CPA6: variants seen among roughly 807,000 people sequenced by gnomAD.
CPA6 encodes carboxypeptidase B.
In CPA6, 58 loss-of-function variants were observed where a neutral mutation model predicts 63.3. That is an observed-to-expected ratio of 0.92 (90% confidence interval 0.74 to 1.14). CPA6 has a LOEUF of 1.14. Ranked by LOEUF, CPA6 falls within the 50% of genes most tolerant of loss-of-function variation. The pLI is 0.00. For missense variants in CPA6, 565 were observed against 526.6 expected (o/e 1.07, Z -0.71); for synonymous variants, 185 against 179.0 (o/e 1.03, Z -0.27).
intron 2 of CPA6, among the ~76,000 whole-genome samples, chr8:67,521,148 T>A (rs1812250163): frequency 6.6e-6 from 1 of 152,252 alleles, no homozygotes; most frequent in Non-Finnish European, 1.5e-5. Context: ...TTCCAGGTAT[T>A]TGCTGCAAGC....
chr8:67,656,992 A>T (rs1816000898), intron 1 of CPA6, among the ~76,000 whole-genome samples: 1 of 152,166 alleles, frequency 6.6e-6, no homozygotes, highest in Admixed American at 6.5e-5. Flanking sequence ...AAAATGAAGA[A>T]TATGATCCTA....
intron 1 of CPA6, among the ~76,000 whole-genome samples, chr8:67,649,884 A>G (rs1353687401): frequency 1.3e-5 from 2 of 152,200 alleles, no homozygotes; most frequent in African/African-American, 4.8e-5. Flanking sequence ...GGAAAGCGGC[A>G]AAGTGACAAC....
intron 2 of CPA6, among the ~76,000 whole-genome samples, chr8:67,519,520 G>A (rs1812217672): frequency 6.6e-6 from 1 of 152,198 alleles, no homozygotes; most frequent in Non-Finnish European, 1.5e-5. Flanking sequence ...TTGTGACTCA[G>A]GAAAATAAAC....
At chr8:67,664,212 C>T (rs1417191844) in intron 1 of CPA6, among the ~76,000 whole-genome samples, 1 of 152,198 alleles carries the variant, frequency 6.6e-6, no homozygotes, top group African/African-American at 2.4e-5. Context: ...TAAATTCCAC[C>T]TTGCGAGGTG....
intron 1 of CPA6, among the ~76,000 whole-genome samples, chr8:67,716,546 T>A (rs1167827421): frequency 1.3e-5 from 2 of 151,386 alleles, no homozygotes; most frequent in Non-Finnish European, 2.9e-5. Context: ...TCTGTCTTAG[T>A]GAAACAATAG....
At chr8:67,468,071 A>C (rs967058120) in intron 8 of CPA6, among the ~76,000 whole-genome samples, 1 of 151,668 alleles carries the variant, frequency 6.6e-6, no homozygotes, top group Admixed American at 6.6e-5. Context: ...CAAACAAACA[A>C]ATAACCCCAA....
chr8:67,502,600 T>C lies in CPA6; in HGVS notation c.636+4187A>G, dbSNP rs375409539. On this transcript the variant is annotated intron_variant, in intron 6 of 10. Transcript: ENST00000297770. ...TTGTTTTGAGACTTTTCGTCTTTTC[T>C]AACATATACCTTTAGTGCTATACAT... 5.6e-4 allele frequency among the ~76,000 whole-genome samples: 86 copies of C among 152,372 alleles called. 3 individuals are homozygous for C. The South Asian group carries it at 0.017, about 30-fold the overall frequency.
At chr8:67,729,232 C>T (rs1817660903) in intron 1 of CPA6, among the ~76,000 whole-genome samples, 1 of 152,170 alleles carries the variant, frequency 6.6e-6, no homozygotes, top group Non-Finnish European at 1.5e-5. Context: ...AATTCATTAG[C>T]TCTGGCAATA....
chr8:67,542,748 C>T (rs1453148982), intron 2 of CPA6, among the ~76,000 whole-genome samples: 1 of 152,158 alleles, frequency 6.6e-6, no homozygotes, highest in Non-Finnish European at 1.5e-5. Context: ...TAAAGCCAAG[C>T]AAGGCACAGA....
chr8:67,482,655 C>A (rs920045818), intron 8 of CPA6, among the ~76,000 whole-genome samples: 1 of 152,212 alleles, frequency 6.6e-6, no homozygotes, highest in Non-Finnish European at 1.5e-5. Flanking sequence ...ATACTTAGAT[C>A]CCAGTTTGGA....
chr8:67,489,252 T>C (rs753091050), intron 6 of CPA6, among the ~76,000 whole-genome samples: 1 of 152,100 alleles, frequency 6.6e-6, no homozygotes, highest in African/African-American at 2.4e-5. Context: ...ACCTGTCATT[T>C]ACATTTCTGT....
intron 2 of CPA6, among the ~76,000 whole-genome samples, chr8:67,540,563 G>T (rs1812683244): frequency 6.6e-6 from 1 of 152,242 alleles, no homozygotes; most frequent in Non-Finnish European, 1.5e-5. Flanking sequence ...TCTCTTCAGA[G>T]CTGGCAGGCA....
At chr8:67,680,127 T>C (rs1041681598) in intron 1 of CPA6, among the ~76,000 whole-genome samples, 5 of 152,208 alleles carry the variant, frequency 3.3e-5, no homozygotes, top group African/African-American at 1.2e-4. Context: ...GAGAACGCCA[T>C]TGGTTTCCTA....
intron 1 of CPA6, among the ~76,000 whole-genome samples, chr8:67,660,682 C>G (rs150073033): frequency 0.022 from 3,279 of 151,938 alleles, 49 homozygotes; most frequent in Admixed American, 0.03. Flanking sequence ...TGCTTTCCAC[C>G]TTCCCCTAAT....
chr8:67,635,240 A>G (rs894829888), intron 1 of CPA6, among the ~76,000 whole-genome samples: 1 of 151,490 alleles, frequency 6.6e-6, no homozygotes, highest in African/African-American at 2.5e-5. Flanking sequence ...CACTGTGAAC[A>G]CCACAAAAAA....
At chr8:67,485,377 C>T (rs972539442) in intron 6 of CPA6, among the ~76,000 whole-genome samples, 2 of 152,086 alleles carry the variant, frequency 1.3e-5, no homozygotes, top group African/African-American at 4.8e-5. Flanking sequence ...AATCCCTATC[C>T]TAAGTTTGAC....
intron 8 of CPA6, among the ~76,000 whole-genome samples, chr8:67,454,947 A>G (rs1365833616): frequency 2.0e-5 from 3 of 152,184 alleles, no homozygotes; most frequent in African/African-American, 7.2e-5. Context: ...CTCTAAGAGC[A>G]TGGAGCACAG....
chr8:67,428,415 T>C (rs1410448220), intron 9 of CPA6, among the ~76,000 whole-genome samples: 3 of 150,844 alleles, frequency 2.0e-5, no homozygotes, highest in Non-Finnish European at 4.4e-5. Context: ...GCAGAATGGT[T>C]GAGCTAAGTA....
chr8:67,509,460 A>G, intron 5 of CPA6, 57 bp downstream of exon 5: 1 of 837,900 alleles, frequency 1.2e-6, no homozygotes, highest in Non-Finnish European at 2.0e-6. Context: ...GTTAAAGTTG[A>G]AAAAGATGGA....
Sources: allele counts gnomAD v4.1 joint callset (sites outside exome capture counted in the v4.1 genomes callset), GRCh38; gene constraint gnomAD v4.1.1; transcripts MANE v1.5; gene names NCBI Gene and HGNC (gene_info 2026-07-23, HGNC 2026-07-21).